SRFBP1: variants seen among roughly 807,000 people sequenced by gnomAD.
SRFBP1 encodes serum response factor binding protein 1.
A neutral mutation model predicts 45.5 loss-of-function variants in SRFBP1; 47 were observed. The observed-to-expected ratio is 1.03, with a 90% confidence interval of 0.82 to 1.32. The LOEUF (loss-of-function observed/expected upper bound fraction) is 1.32, where lower values mean the gene tolerates loss of function less well. Ranked by LOEUF, SRFBP1 falls within the 40% of genes most tolerant of loss-of-function variation. SRFBP1 has a pLI of 0.00. For missense variants in SRFBP1, 621 were observed against 484.6 expected, an observed-to-expected ratio of 1.28 and a Z score of -2.64; for synonymous variants, 203 against 166.3, an observed-to-expected ratio of 1.22 and a Z score of -1.70.
At chr5:121,974,152 T>C (rs1284797334) in intron 1 of SRFBP1, 44 bp from the exon 2 acceptor site, 2 of 1,363,710 alleles carry the variant, frequency 1.5e-6, no homozygotes, top group African/African-American at 2.9e-5. Context: ...TGTTTGTTCC[T>C]GAAGTAAGTG....
intron 2 of SRFBP1, among the ~76,000 whole-genome samples, chr5:122,044,879 A>G (rs943120168): frequency 4.0e-5 from 6 of 151,830 alleles, no homozygotes; most frequent in African/African-American, 9.7e-5. Flanking sequence ...CCTACTTGTC[A>G]ATTTTTGTTT....
chr5:121,963,323 A>G (rs1443622495), intron 1 of SRFBP1, among the ~76,000 whole-genome samples: 1 of 152,202 alleles, frequency 6.6e-6, no homozygotes, highest in Admixed American at 6.5e-5. Context: ...AGCTGAAAGT[A>G]GTTACTATTT....
chr5:121,967,322 TATTAA>T (rs1024951950), intron 1 of SRFBP1, among the ~76,000 whole-genome samples: 3 of 152,150 alleles, frequency 2.0e-5, no homozygotes, highest in Non-Finnish European at 4.4e-5. Context: ...TTTTCTGAAA[TATTAA>T]ATTAGGGCAT....
At chr5:121,963,855 G>C (rs1752004337) in intron 1 of SRFBP1, among the ~76,000 whole-genome samples, 1 of 151,362 alleles carries the variant, frequency 6.6e-6, no homozygotes, top group South Asian at 2.1e-4. Flanking sequence ...TTTAAAATTA[G>C]TGGGAAAAAA....
chr5:121,977,544 T>A (rs908364255), intron 3 of SRFBP1, among the ~76,000 whole-genome samples: 1 of 152,132 alleles, frequency 6.6e-6, no homozygotes, highest in African/African-American at 2.4e-5. Context: ...CATTTGTAAT[T>A]TTCTTAGGAA....
intron 4 of SRFBP1, among the ~76,000 whole-genome samples, chr5:121,995,063 T>G (rs904176793): frequency 3.3e-5 from 5 of 151,452 alleles, no homozygotes; most frequent in East Asian, 3.9e-4. Flanking sequence ...ACAATAATAA[T>G]GGGAGACTTT....
chr5:122,043,225 T>C (rs1169840275), intron 2 of SRFBP1, among the ~76,000 whole-genome samples: 2 of 152,132 alleles, frequency 1.3e-5, no homozygotes, highest in Non-Finnish European at 2.9e-5. Context: ...TTTCTTTTTT[T>C]TCTTTTTCGA....
intron 2 of SRFBP1, among the ~76,000 whole-genome samples, chr5:122,061,536 A>G (rs1341843498): frequency 6.6e-6 from 1 of 152,054 alleles, no homozygotes; most frequent in Non-Finnish European, 1.5e-5. Context: ...TTCTCTGCCC[A>G]CAATGGGAAG....
intron 4 of SRFBP1, among the ~76,000 whole-genome samples, chr5:122,018,159 CT>C: frequency 6.6e-6 from 1 of 152,134 alleles, no homozygotes; most frequent in Non-Finnish European, 1.5e-5. Flanking sequence ...ATGGTATGGG[CT>C]AAGCATCAGA....
At chr5:122,010,982 A>G (rs535428539) in intron 4 of SRFBP1, among the ~76,000 whole-genome samples, 10 of 152,146 alleles carry the variant, frequency 6.6e-5, no homozygotes, top group Admixed American at 2.0e-4. Flanking sequence ...GTTAGCCCCA[A>G]TTCTCGTGAT....
At chr5:121,962,568 ATTTC>A (rs1432851333) in intron 1 of SRFBP1, among the ~76,000 whole-genome samples, 16 of 152,114 alleles carry the variant, frequency 1.1e-4, no homozygotes, top group African/African-American at 3.9e-4. Context: ...TTAGTGTCCT[ATTTC>A]TTTGCTTCCG....
chr5:121,963,101 A>G (rs1429042248), intron 1 of SRFBP1, among the ~76,000 whole-genome samples: 2 of 152,216 alleles, frequency 1.3e-5, no homozygotes, highest in Admixed American at 1.3e-4. Context: ...GATTCAGGAA[A>G]GGGGAAGAAG....
chr5:122,005,567 CTTATTT>C lies in SRFBP1; in HGVS notation c.270+10900_270+10905del, dbSNP rs150461603. On this transcript the variant is annotated intron_variant, in intron 4 of 7. Transcript: ENST00000339397. ...TCTTATAGGCAGCATATGGTTGGGT[CTTATTT>C]TTGTTTTTGTTTTTTGTTTTTTAAA... Among the ~76,000 whole-genome samples the C allele has an allele frequency of 5.0e-3, 764 of 152,090 alleles. 9 individuals are homozygous for C. The highest frequency in any genetic ancestry group is 0.017 in the African/African-American group (721 of 41,504).
chr5:121,985,928 A>G (rs1752509340), intron 3 of SRFBP1, among the ~76,000 whole-genome samples: 1 of 151,922 alleles, frequency 6.6e-6, no homozygotes, highest in Non-Finnish European at 1.5e-5. Flanking sequence ...TGATGATGTA[A>G]AGTAGATACT....
chr5:122,033,034 A>G (rs1753615990), downstream of SRFBP1, among the ~76,000 whole-genome samples: 1 of 151,800 alleles, frequency 6.6e-6, no homozygotes, highest in Admixed American at 6.6e-5. Flanking sequence ...GGTAAGAAAT[A>G]TTACCTCTAT....
At chr5:121,979,053 G>A (rs909525182) in intron 3 of SRFBP1, among the ~76,000 whole-genome samples, 3 of 152,050 alleles carry the variant, frequency 2.0e-5, no homozygotes, top group Non-Finnish European at 4.4e-5. Context: ...TGCACAGCTT[G>A]CTCCTAAGTG....
chr5:122,042,056 G>A (rs1753782689), intron 2 of SRFBP1, among the ~76,000 whole-genome samples: 1 of 151,990 alleles, frequency 6.6e-6, no homozygotes, highest in Non-Finnish European at 1.5e-5. Flanking sequence ...ATGAAGATAT[G>A]ATTTTTTGTT....
In SRFBP1 at chr5:122,020,501, G is replaced by A; in HGVS notation, c.766G>A (p.Glu256Lys). 1 of 1,614,130 alleles carries A rather than the reference G, an allele frequency of 6.2e-7. No homozygotes were observed. Among genetic ancestry groups the A allele is most frequent in the Non-Finnish European group, 8.5e-7 (1 of 1,179,994 alleles). The change falls in exon 6 of 8, where the codon GAG (glutamate) becomes AAG (lysine). Residue 256 changes from glutamate (E) to lysine (K), a missense_variant. Glu to Lys is a moderately conservative substitution (Grantham distance 56). Transcript: ENST00000339397. The stretch of plus-strand genomic sequence containing the variant: ...TGATGGCGGAGAAGAATTTTGTGAA[G>A]AGGAGAAGGAATATTTTGATGATAG... Reference protein sequence around the residue: ...NSDGGEEFCEEEKEYFDDSTE... With the variant: ...NSDGGEEFCEKEKEYFDDSTE...
chr5:122,050,128 C>A (rs1474133575), intron 2 of SRFBP1, among the ~76,000 whole-genome samples: 1 of 152,142 alleles, frequency 6.6e-6, no homozygotes, highest in Non-Finnish European at 1.5e-5. Flanking sequence ...TTTTGCTGTG[C>A]TGCTGGATTC....
Sources: gnomAD v4.1 joint callset for allele counts (sites outside exome capture counted in the v4.1 genomes callset) on GRCh38, gnomAD v4.1.1 for gene constraint, MANE v1.5 for transcripts, NCBI Gene and HGNC (gene_info 2026-07-23, HGNC 2026-07-21) for gene names.